Variants in EBF3 observed in about 807,000 individuals in gnomAD.
The protein encoded by EBF3 is transcription factor COE3.
In EBF3, 18 loss-of-function variants were observed where a neutral mutation model predicts 77.1. The ratio of observed to expected loss-of-function variants is 0.23; its 90% CI spans 0.16 to 0.35. The LOEUF (loss-of-function observed/expected upper bound fraction) is 0.35. Among genes scored for constraint, EBF3 ranks in the 10% least tolerant of loss-of-function variants. The pLI is 1.00. For synonymous variants in EBF3, 350 were observed against 343.5 expected, an observed-to-expected ratio of 1.02 and a Z score of -0.21; for missense variants, 558 against 860.0, an observed-to-expected ratio of 0.65 and a Z score of 4.39.
chr10:129,962,090 T>C, intron 4 of EBF3, 81 bp downstream of exon 4: 6 of 1,335,442 alleles, frequency 4.5e-6, no homozygotes, highest in Non-Finnish European at 6.4e-6. Context: ...CGAGATCCAT[T>C]TGTCAGTGCC....
At chr10:129,924,631 G>A (rs571204090) in intron 6 of EBF3, among the ~76,000 whole-genome samples, 1 of 152,270 alleles carries the variant, frequency 6.6e-6, no homozygotes, top group South Asian at 2.1e-4. Context: ...GTATACACAA[G>A]AGAATTGCAA....
chr10:129,896,484 C>T (rs1289160203), intron 6 of EBF3, among the ~76,000 whole-genome samples: 5 of 152,242 alleles, frequency 3.3e-5, no homozygotes, highest in Non-Finnish European at 7.3e-5. Context: ...CTCCGAGCAG[C>T]TGGCTGGACG....
intron 8 of EBF3, among the ~76,000 whole-genome samples, chr10:129,871,989 CCTTT>C (rs879334801): frequency 1.1e-4 from 17 of 152,168 alleles, no homozygotes; most frequent in Non-Finnish European, 1.5e-4. Flanking sequence ...CCACTAGTGG[CCTTT>C]ATTTCTCTAA....
rs763823128 is a variant in EBF3 at position 129,957,223 on chromosome 10, G to A, written c.554+35C>T. The A allele has an allele frequency of 5.1e-6, 8 of 1,561,208 alleles. No homozygotes were observed. In the South Asian group the frequency reaches 5.9e-5, roughly 12 times the overall value. On this transcript the variant is annotated intron_variant, in intron 6 of 16. Coordinates refer to ENST00000440978, the MANE Select transcript of EBF3 (RefSeq NM_001375380.1). ...AGGCAAAACGTTTTGTTGCTGCTGC[G>A]GTTTTGTTTTGAAAAATAAAGAAGT...
chr10:129,953,929 G>C (rs2134589448), intron 6 of EBF3, among the ~76,000 whole-genome samples: 1 of 152,356 alleles, frequency 6.6e-6, no homozygotes, highest in East Asian at 1.9e-4. Context: ...ATGCACGGGT[G>C]AAACAGGAGA....
Position 129,875,187 on chromosome 10 carries a change from C to CTTCTTTT in EBF3, c.637-1592_637-1591insAAAAGAA, listed in dbSNP as rs1852672323. 8.0e-4 allele frequency among the ~76,000 whole-genome samples: 74 copies of CTTCTTTT among 92,950 alleles called. 5 individuals are homozygous for CTTCTTTT. The highest frequency in any genetic ancestry group is 2.7e-3 in the African/African-American group (65 of 24,408). The allele number at this position is 92,950 out of a possible 152,430, so 61.0% of individuals were successfully genotyped here. A position where few individuals can be genotyped will look rare whatever the true frequency, so the allele number is the denominator to read the frequency against. On this transcript the variant is annotated intron_variant, in intron 7 of 16. Transcript: ENST00000440978. ...ATACATGTGCAAGTGATGGCTTCTT[C>CTTCTTTT]TTTTTTTTTTTTTTTTTTTTTTTTT...
At chr10:129,902,048 C>T (rs1854822297) in intron 6 of EBF3, among the ~76,000 whole-genome samples, 1 of 152,260 alleles carries the variant, frequency 6.6e-6, no homozygotes, top group East Asian at 1.9e-4. Flanking sequence ...GCTTTTAATA[C>T]AAAATCTACA....
Position 129,962,918 on chromosome 10 carries a change from G to A in EBF3, c.355+24C>T, listed in dbSNP as rs202057271. The A allele has an allele frequency of 1.8e-4, 286 of 1,613,156 alleles. 2 individuals are homozygous for A. In the African/African-American group the frequency reaches 3.1e-3, roughly 17 times the overall value. On this transcript the variant is annotated intron_variant, in intron 3 of 16. Coordinates refer to ENST00000440978, the MANE Select transcript of EBF3 (RefSeq NM_001375380.1). ...AAGGAGAGCCAGCCGCTGCAGGGGC[G>A]GCGAGCACGCAGCAGGCACTTACCG...
At position 129,872,503 on chromosome 10, in the gene EBF3, C is replaced by T. The variant is rs778440776; in HGVS notation, c.781+949G>A. ...CACACGCTTCATTCATTTTCCTGTGCGTGCATCTGTCTGCCTCGTGTGTGG... is the reference window on the plus strand; with the variant it reads ...CACACGCTTCATTCATTTTCCTGTGTGTGCATCTGTCTGCCTCGTGTGTGG... On this transcript the variant is annotated intron_variant, in intron 8 of 16. Coordinates refer to ENST00000440978, the MANE Select transcript of EBF3 (RefSeq NM_001375380.1). Among the ~76,000 whole-genome samples, 9 of 152,272 alleles carry T rather than the reference C, an allele frequency of 5.9e-5. No homozygotes were observed. The East Asian group carries it at 9.6e-4, about 16-fold the overall frequency.
Position 129,959,113 on chromosome 10 carries a change from G to C in EBF3, c.412-106C>G, listed in dbSNP as rs928690840. The C allele has an allele frequency of 4.4e-6, 6 of 1,377,322 alleles. No homozygotes were observed. The Admixed American group carries it at 6.3e-5, about 14-fold the overall frequency. 85.3% of individuals were successfully genotyped at this position (1,377,322 alleles called of 1,614,324 possible). A position where few individuals can be genotyped will look rare whatever the true frequency, so the allele number is the denominator to read the frequency against. The stretch of plus-strand genomic sequence containing the variant: ...GGCTGGCAGCAGGTGCACCACGCTC[G>C]AGGGGAGGCGATGCGCCCCCCTCCC... On this transcript the variant is annotated intron_variant, in intron 4 of 16. Coordinates refer to ENST00000440978, the MANE Select transcript of EBF3 (RefSeq NM_001375380.1).
In EBF3 at chr10:129,879,248, C is replaced by T. The variant is rs991661119; in HGVS notation, c.555-1399G>A. On this transcript the variant is annotated intron_variant, in intron 6 of 16. Coordinates refer to ENST00000440978, the MANE Select transcript of EBF3 (RefSeq NM_001375380.1). The surrounding 1 kb of genome is among the most constrained non-coding windows in gnomAD (Gnocchi z 4.7). ...TGAAAAGGCCACAACCAAGAGGTCC[C>T]AGAGCTTGGGTCTGTGCTGAAACAC... Among the ~76,000 whole-genome samples the T allele has an allele frequency of 1.8e-4, 27 of 152,140 alleles. No homozygotes were observed. Among genetic ancestry groups the T allele is most frequent in the African/African-American group, 6.5e-4 (27 of 41,420 alleles).
chr10:129,954,415 C>A (rs1165818466), intron 6 of EBF3, among the ~76,000 whole-genome samples: 3 of 146,248 alleles, frequency 2.1e-5, no homozygotes, highest in South Asian at 2.3e-4. Flanking sequence ...CCTCACTTCC[C>A]CCCCCCCTTT....
At chr10:129,851,630 T>G (rs1038528723) in intron 10 of EBF3, among the ~76,000 whole-genome samples, 1 of 152,222 alleles carries the variant, frequency 6.6e-6, no homozygotes, top group African/African-American at 2.4e-5. Flanking sequence ...ATGAGTTTTC[T>G]AAGAAATCCC....
chr10:129,930,627 T>A (rs896999274), intron 6 of EBF3, among the ~76,000 whole-genome samples: 2 of 149,254 alleles, frequency 1.3e-5, no homozygotes, highest in Non-Finnish European at 3.0e-5. Flanking sequence ...TCTGTCTATA[T>A]CTATCTCTAT....
intron 8 of EBF3, among the ~76,000 whole-genome samples, chr10:129,869,432 G>A (rs1852259422): frequency 6.6e-6 from 1 of 151,760 alleles, no homozygotes; most frequent in African/African-American, 2.4e-5. Context: ...CTCCCCCACG[G>A]CTCTCCAGCT....
chr10:129,899,019 C>T (rs999604145), intron 6 of EBF3, among the ~76,000 whole-genome samples: 8 of 152,162 alleles, frequency 5.3e-5, no homozygotes, highest in African/African-American at 1.7e-4. Flanking sequence ...CACGTCGGAG[C>T]GCGGCAGCAA....
At chr10:129,865,057 C>T (rs762699194) in intron 10 of EBF3, among the ~76,000 whole-genome samples, 21 of 152,162 alleles carry the variant, frequency 1.4e-4, no homozygotes, top group Non-Finnish European at 2.1e-4. Flanking sequence ...GGTCTTTGCA[C>T]GGGGCCTACA....
intron 10 of EBF3, among the ~76,000 whole-genome samples, chr10:129,854,295 C>T (rs1851094639): frequency 6.6e-6 from 1 of 152,028 alleles, no homozygotes; most frequent in Admixed American, 6.6e-5. Context: ...GGGGCGAGAT[C>T]AATGCTCATA....
chr10:129,939,789 C>T (rs747055763), intron 6 of EBF3, among the ~76,000 whole-genome samples: 4 of 152,200 alleles, frequency 2.6e-5, no homozygotes, highest in African/African-American at 9.7e-5. Flanking sequence ...AAGCTAATAC[C>T]GGACTTCGTC....
Sources: allele counts gnomAD v4.1 joint callset (sites outside exome capture counted in the v4.1 genomes callset), GRCh38; gene constraint gnomAD v4.1.1; non-coding constraint Gnocchi (gnomAD v3.1); transcripts MANE v1.5; gene names NCBI Gene and HGNC (gene_info 2026-07-23, HGNC 2026-07-21).